CCNE2: variants seen among roughly 807,000 people sequenced by gnomAD.
CCNE2 encodes the protein cyclin E2.
A neutral mutation model predicts 56.8 loss-of-function variants in CCNE2; 18 were observed. That is an observed-to-expected ratio of 0.32 (90% CI 0.22 to 0.47). The LOEUF (loss-of-function observed/expected upper bound fraction) is 0.47, where lower values mean the gene tolerates loss of function less well. CCNE2 is among the 20% of genes least tolerant of loss of function. CCNE2 has a pLI of 1.00. For synonymous variants in CCNE2, 139 were observed against 149.2 expected (o/e 0.93, Z 0.50); for missense variants, 371 against 467.1 (o/e 0.79, Z 1.90).
At chr8:94,894,160 A>T in intron 2 of CCNE2, 41 bp from the exon 3 acceptor site, 1 of 1,613,360 alleles carries the variant, frequency 6.2e-7, no homozygotes, top group African/African-American at 1.3e-5. Context: ...TTAGTAAGTT[A>T]AAGGCAGCAA....
chr8:94,895,792 T>C (rs572385667), upstream of CCNE2: 2 of 152,558 alleles, frequency 1.3e-5, no homozygotes, highest in East Asian at 1.9e-4. Context: ...GGCTGCAGAA[T>C]GTAAACACCA....
rs576668701 is a variant in CCNE2 at position 94,888,864 on chromosome 8, G to T, written c.454-791C>A. ...ATAATGAGTTAAGAAAATCTCTTTT[G>T]CTGGCCGAGTGCGGTGGCTCACATC... On this transcript the variant is annotated intron_variant, in intron 6 of 11. Transcript: ENST00000308108. Among the ~76,000 whole-genome samples the T allele has an allele frequency of 2.0e-5, 3 of 152,218 alleles. No individual in the cohort carries two copies. The South Asian group carries it at 6.2e-4, about 32-fold the overall frequency.
At chr8:94,896,433 G>A (rs1817585433), upstream of CCNE2, 1 of 152,164 alleles carries the variant, frequency 6.6e-6, no homozygotes, top group Non-Finnish European at 1.5e-5. Flanking sequence ...CTCTATGAAT[G>A]CCCCCACAAC....
chr8:94,885,400 C>G, intron 8 of CCNE2, 63 bp downstream of exon 8: 1 of 1,137,272 alleles, frequency 8.8e-7, no homozygotes, highest in South Asian at 1.4e-5. Flanking sequence ...TCAATTATAA[C>G]TACTTATGTT....
intron 10 of CCNE2, 87 bp downstream of exon 10, chr8:94,882,694 C>T: frequency 3.4e-6 from 3 of 874,522 alleles, no homozygotes; most frequent in Admixed American, 2.3e-5. Flanking sequence ...GTTTTAAATG[C>T]ATGTTTAGCA....
Position 94,881,724 on chromosome 8 carries a change from T to C in CCNE2, c.1123A>G (p.Thr375Ala). The change falls in exon 12 of 12, where the codon ACC becomes GCC. Residue 375 changes from threonine to alanine, a missense_variant. Physicochemically the swap from Thr to Ala is moderately conservative, Grantham distance 58. Transcript: ENST00000308108. Reference sequence around the variant, plus strand: ...GACAACTGTCCCCCTTTTCTGAAGGTGTTTATGTAATTTACTTCCTCCTAT... The same window carrying C: ...GACAACTGTCCCCCTTTTCTGAAGGCGTTTATGTAATTTACTTCCTCCTAT... ...AMLEEVNYINTFRKGGQLSPV... is the reference protein window; with the variant it reads ...AMLEEVNYINAFRKGGQLSPV... 6.2e-7 allele frequency: 1 copy of C among 1,613,886 alleles called. No individual in the cohort carries two copies. Among genetic ancestry groups the C allele is most frequent in the Admixed American group, 1.7e-5 (1 of 60,024 alleles).
chr8:94,886,158 A>G (rs555149735), intron 7 of CCNE2, among the ~76,000 whole-genome samples: 1 of 152,326 alleles, frequency 6.6e-6, no homozygotes, highest in African/African-American at 2.4e-5. Flanking sequence ...GGGACCATCT[A>G]TATACAAATC....
rs770490435 is a variant in CCNE2, at chr8:94,894,165, C to A, written c.14+43G>T. 4.3e-6 allele frequency: 7 copies of A among 1,612,946 alleles called. No homozygotes were observed. In the African/African-American group the frequency reaches 9.3e-5, roughly 22 times the overall value. ...GGAAGTGTAATTAGTAAGTTAAAGGCAGCAACTAATTTGAAACATGTCTCT... is the reference window on the plus strand; with the variant it reads ...GGAAGTGTAATTAGTAAGTTAAAGGAAGCAACTAATTTGAAACATGTCTCT... On this transcript the variant is annotated intron_variant, in intron 2 of 11. Transcript: ENST00000308108.
chr8:94,882,049 A>G, intron 11 of CCNE2, 83 bp downstream of exon 11: 2 of 1,316,700 alleles, frequency 1.5e-6, no homozygotes, highest in Admixed American at 4.7e-5. Context: ...AAACTGCCTG[A>G]AGGAGTACTC....
At chr8:94,885,970 T>TG (rs1216566018) in intron 7 of CCNE2, among the ~76,000 whole-genome samples, 1 of 152,132 alleles carries the variant, frequency 6.6e-6, no homozygotes, top group Non-Finnish European at 1.5e-5. Flanking sequence ...TTGCCTGCCT[T>TG]GGCCTCCCAA....
intron 10 of CCNE2, 63 bp from the exon 11 acceptor site, chr8:94,882,352 T>C: frequency 7.7e-7 from 1 of 1,294,526 alleles, no homozygotes. Flanking sequence ...ATCTTACATA[T>C]GTCTGATGTA....
chr8:94,886,963 G>A (rs895059724), intron 7 of CCNE2, among the ~76,000 whole-genome samples: 3 of 152,266 alleles, frequency 2.0e-5, no homozygotes, highest in African/African-American at 7.2e-5. Flanking sequence ...ACAAGTTTAT[G>A]TGCCAAATTC....
At chr8:94,881,984 A>G (rs1269950970) in intron 11 of CCNE2, 148 bp downstream of exon 11, 1 of 911,356 alleles carries the variant, frequency 1.1e-6, no homozygotes, top group Non-Finnish European at 1.6e-6. Flanking sequence ...AAGTAATTTT[A>G]TTAACTTTTC....
In CCNE2 at chr8:94,881,628, T is replaced by A. The variant is rs1816817210; in HGVS notation, c.*4A>T. 4 of 1,611,586 alleles carry A rather than the reference T, an allele frequency of 2.5e-6. No individual in the cohort carries two copies. The highest frequency in any genetic ancestry group is 2.7e-5 in the African/African-American group (2 of 74,658). On this transcript the variant is annotated 3_prime_UTR_variant, in exon 12 of 12. Coordinates refer to ENST00000308108, the MANE Select transcript of CCNE2 (RefSeq NM_057749.3). ...ATTCCAACTTGTTTGCTTAGTTATC[T>A]TCTTTAGTGTTTTCCTGGTGGTTTT...
intron 9 of CCNE2, among the ~76,000 whole-genome samples, chr8:94,884,410 G>C (rs1294991568): frequency 6.7e-6 from 1 of 150,290 alleles, no homozygotes; most frequent in African/African-American, 2.5e-5. Context: ...GCAGTAGTGC[G>C]ATCTCGGCTC....
At chr8:94,896,148 G>A (rs1419428157), upstream of CCNE2, among the ~76,000 whole-genome samples, 1 of 152,028 alleles carries the variant, frequency 6.6e-6, no homozygotes. Context: ...ACCCCTCTCC[G>A]GAGCGGGGCC....
At position 94,881,603 on chromosome 8, in the gene CCNE2, A is replaced by G; in HGVS notation, c.*29T>C. On this transcript the variant is annotated 3_prime_UTR_variant, in exon 12 of 12. Transcript: ENST00000308108. ...TACCAGTTCTACCCAATCTTGGTGA[A>G]TTCCAACTTGTTTGCTTAGTTATCT... 1 of 1,609,824 alleles carries G rather than the reference A, an allele frequency of 6.2e-7. No individual in the cohort carries two copies. Among genetic ancestry groups the G allele is most frequent in the Non-Finnish European group, 8.5e-7 (1 of 1,178,452 alleles).
intron 5 of CCNE2, 78 bp downstream of exon 5, chr8:94,892,736 AAAGC>A (rs1345158884): frequency 2.7e-6 from 2 of 749,130 alleles, no homozygotes; most frequent in Non-Finnish European, 4.0e-6. Context: ...CTACTTTATG[AAAGC>A]AAAAGACAAA....
At position 94,881,185 on chromosome 8, in the gene CCNE2, T is replaced by C; in HGVS notation, c.*447A>G. ...TTAAATTTAATTTTCAAGAACCAAATTGCACTAGTCAAGAGTGTAGGAATT... is the reference window on the plus strand; with the variant it reads ...TTAAATTTAATTTTCAAGAACCAAACTGCACTAGTCAAGAGTGTAGGAATT... On this transcript the variant is annotated 3_prime_UTR_variant, in exon 12 of 12. Transcript: ENST00000308108. 1 of 382,098 alleles carries C rather than the reference T, an allele frequency of 2.6e-6. No individual in the cohort carries two copies. Among genetic ancestry groups the C allele is most frequent in the Non-Finnish European group, 4.6e-6 (1 of 216,110 alleles). 23.7% of individuals were successfully genotyped at this position (382,098 alleles called of 1,614,324 possible). A position where few individuals can be genotyped will look rare whatever the true frequency, so the allele number is the denominator to read the frequency against.
Sources: allele counts gnomAD v4.1 joint callset (sites outside exome capture counted in the v4.1 genomes callset), GRCh38; gene constraint gnomAD v4.1.1; transcripts MANE v1.5; gene names NCBI Gene and HGNC (gene_info 2026-07-23, HGNC 2026-07-21).